The following IQCE variants were observed in gnomAD, a reference collection of about 807,000 sequenced individuals.
IQCE encodes IQ motif containing E.
Under a neutral mutation model 96.0 loss-of-function variants are expected in IQCE, and 115 were observed. The observed-to-expected ratio is 1.20, with a 90% CI of 1.03 to 1.40. The LOEUF (loss-of-function observed/expected upper bound fraction) is 1.40, where lower values mean the gene tolerates loss of function less well. IQCE is among the 40% of genes most tolerant of loss of function. IQCE has a pLI of 0.00. For missense variants in IQCE, 1,041 were observed against 909.1 expected (o/e 1.15, Z -1.87); for synonymous variants, 412 against 371.2 (o/e 1.11, Z -1.26).
Position 2,590,518 on chromosome 7 carries a change from A to T in IQCE, c.1244+412A>T, listed in dbSNP as rs557293572. 7.9e-4 allele frequency among the ~76,000 whole-genome samples: 120 copies of T among 152,302 alleles called. 1 individual carries two copies. The highest frequency in any genetic ancestry group is 1.5e-3 in the Non-Finnish European group (102 of 68,012). ...GGTGGCTCATGCCTGTAATCCCAGC[A>T]CTTTGGGAGGCCGAAGTGGGAGGAT... On this transcript the variant is annotated intron_variant, in intron 14 of 21. Coordinates refer to ENST00000402050, the MANE Select transcript of IQCE (RefSeq NM_152558.5).
intron 1 of IQCE, 49 bp downstream of exon 1, chr7:2,559,266 G>C (rs1780733156): frequency 8.6e-7 from 1 of 1,158,560 alleles, no homozygotes; most frequent in Non-Finnish European, 1.1e-6. Flanking sequence ...GCGAGGCCTC[G>C]GCTCGTCTCC....
rs543861266 is a variant in IQCE, at chr7:2,562,605, T to C, written c.36+3388T>C. Among the ~76,000 whole-genome samples the C allele has an allele frequency of 3.3e-3, 497 of 151,642 alleles. 4 individuals carry two copies. The highest frequency in any genetic ancestry group is 0.011 in the African/African-American group (475 of 41,470). On this transcript the variant is annotated intron_variant, in intron 1 of 21. Coordinates refer to ENST00000402050, the MANE Select transcript of IQCE (RefSeq NM_152558.5). The stretch of plus-strand genomic sequence containing the variant: ...GTAGTGAGGCCCCCTTTTTTTTTTT[T>C]TCCCCCTGTATTTTGGTAATTTCGT...
At chr7:2,596,778 GC>G in intron 16 of IQCE, 1 of 348,450 alleles carries the variant, frequency 2.9e-6, no homozygotes, top group Non-Finnish European at 5.8e-6. Flanking sequence ...TCTCACTTTA[GC>G]GGAACAGAGG....
chr7:2,562,687 G>A (rs8180758), intron 1 of IQCE, among the ~76,000 whole-genome samples: 9 of 150,386 alleles, frequency 6.0e-5, no homozygotes. Context: ...TCTTTTCAAA[G>A]AACCAACTTT....
chr7:2,603,989 C>CTTT (rs11427354), intron 18 of IQCE, among the ~76,000 whole-genome samples: 2 of 125,914 alleles, frequency 1.6e-5, no homozygotes, highest in Non-Finnish European at 1.7e-5. Flanking sequence ...GCTTCCCTGT[C>CTTT]TTTTTTTTTT....
At chr7:2,589,061 T>C (rs1783368306) in intron 13 of IQCE, among the ~76,000 whole-genome samples, 1 of 152,150 alleles carries the variant, frequency 6.6e-6, no homozygotes, top group South Asian at 2.1e-4. Context: ...AAATAGTTTT[T>C]TACATATTTA....
intron 2 of IQCE, among the ~76,000 whole-genome samples, chr7:2,568,649 G>A (rs1358451660): frequency 1.3e-5 from 2 of 152,224 alleles, no homozygotes; most frequent in Non-Finnish European, 2.9e-5. Context: ...GGCGGTTTGG[G>A]TGGGGGCAGA....
intron 5 of IQCE, among the ~76,000 whole-genome samples, chr7:2,572,542 G>A (rs1369732173): frequency 6.6e-6 from 1 of 152,096 alleles, no homozygotes; most frequent in East Asian, 1.9e-4. Context: ...GTGGGTGCAG[G>A]GATATCTCGC....
chr7:2,586,270 G>C lies in IQCE; in HGVS notation c.887G>C (p.Ser296Thr), dbSNP rs1181978447. Residue 296 changes from serine (S) to threonine (T), a missense_variant, in exon 12 of 22, where the codon AGC becomes ACC. By Grantham distance (58) the Ser-to-Thr change is moderately conservative (BLOSUM62 1). Transcript: ENST00000402050. ...RQKKMGSALL[S>T]LSRSVQELTE... ...AAGAAGATGGGCAGTGCCCTCCTGAGCTTGTCCCGGAGTGTCCAGGAGCTC... is the reference window on the plus strand; with the variant it reads ...AAGAAGATGGGCAGTGCCCTCCTGACCTTGTCCCGGAGTGTCCAGGAGCTC... 4 of 1,613,952 alleles carry C rather than the reference G, an allele frequency of 2.5e-6. No individual in the cohort carries two copies. Among genetic ancestry groups the C allele is most frequent in the Non-Finnish European group, 3.4e-6 (4 of 1,179,984 alleles).
chr7:2,596,938 CCAGGGCAT>C (rs1784082948), intron 16 of IQCE: 1 of 469,608 alleles, frequency 2.1e-6, no homozygotes, highest in South Asian at 1.5e-5. Context: ...GTGGATGTAC[CCAGGGCAT>C]CTTCGTCAGG....
At chr7:2,605,546 G>A (rs1284556936) in intron 19 of IQCE, among the ~76,000 whole-genome samples, 1 of 152,098 alleles carries the variant, frequency 6.6e-6, no homozygotes, top group East Asian at 1.9e-4. Context: ...GGTGAACCCG[G>A]AAGGCGGAGC....
intron 5 of IQCE, among the ~76,000 whole-genome samples, chr7:2,573,101 G>A (rs1781876335): frequency 1.3e-5 from 2 of 152,140 alleles, no homozygotes; most frequent in African/African-American, 4.8e-5. Flanking sequence ...TGTTTGTTTT[G>A]CTATTTAAAT....
chr7:2,589,972 C>T lies in IQCE; in HGVS notation c.1110C>T (p.Ala370=), dbSNP rs200293391. The part of the protein sequence containing the change: ...AAEPVRSHPP[A]CLASSSALHR... ...AGCCAGTCAGATCACACCCGCCAGCCTGCCTTGCATCCAGCTCTGCGCTGC... is the reference window on the plus strand; with the variant it reads ...AGCCAGTCAGATCACACCCGCCAGCTTGCCTTGCATCCAGCTCTGCGCTGC... Residue 370 remains alanine, a synonymous_variant, in exon 14 of 22, where the codon GCC becomes GCT. Coordinates refer to ENST00000402050, the MANE Select transcript of IQCE (RefSeq NM_152558.5). 20 of 1,613,890 alleles carry T rather than the reference C, an allele frequency of 1.2e-5. No individual in the cohort carries two copies. Among genetic ancestry groups the T allele is most frequent in the Non-Finnish European group, 1.6e-5 (19 of 1,180,036 alleles).
rs886672679 is a variant in IQCE, at chr7:2,559,394, G to A, written c.36+177G>A. 6.9e-5 allele frequency: 22 copies of A among 320,290 alleles called. 1 individual carries two copies. Among genetic ancestry groups the A allele is most frequent in the Non-Finnish European group, 1.2e-4 (21 of 180,834 alleles). The allele number at this position is 320,290 out of a possible 1,614,324, so 19.8% of individuals were successfully genotyped here. On this transcript the variant is annotated intron_variant, in intron 1 of 21. Transcript: ENST00000402050. ...CACAAGAGCGCGCTGCAGGCCCCGC[G>A]CCGCCTGCAGCCTCGCCCGCGCCCG...
chr7:2,611,121 G>GGCTGT lies in IQCE; in HGVS notation c.*963_*964insTGCTG, dbSNP rs2128476075. On this transcript the variant is annotated 3_prime_UTR_variant, in exon 22 of 22. Coordinates refer to ENST00000402050, the MANE Select transcript of IQCE (RefSeq NM_152558.5). ...ACTCCCAAGCTCCATGGCTGGGCTG[G>GGCTGT]GCTGGGCTGGGCTGGGCTGGGCCGG... The GGCTGT allele has an allele frequency of 7.0e-6, 1 of 142,178 alleles. No individual in the cohort carries two copies. The highest frequency in any genetic ancestry group is 2.5e-5 in the African/African-American group (1 of 39,386). 8.8% of individuals were successfully genotyped at this position (142,178 alleles called of 1,614,324 possible). A position where few individuals can be genotyped will look rare whatever the true frequency, so the allele number is the denominator to read the frequency against.
chr7:2,606,130 C>G, intron 20 of IQCE, 133 bp downstream of exon 20: 1 of 1,124,832 alleles, frequency 8.9e-7, no homozygotes, highest in East Asian at 3.0e-5. Context: ...AGCGGGACCT[C>G]GGTTTGGAGC....
In IQCE at chr7:2,584,100, G is replaced by A. The variant is rs149462805; in HGVS notation, c.775-136G>A. The stretch of plus-strand genomic sequence containing the variant: ...GAGCCTGCTCCTGCTTCAGCCCAAC[G>A]GAAAGATGAAGTGCGGCCACTTAGT... On this transcript the variant is annotated intron_variant, in intron 10 of 21. Transcript: ENST00000402050. 1.6e-4 allele frequency: 124 copies of A among 798,780 alleles called. No homozygotes were observed. In the African/African-American group the frequency reaches 2.0e-3, roughly 13 times the overall value. The allele number at this position is 798,780 out of a possible 1,614,324, so 49.5% of individuals were successfully genotyped here. A position where few individuals can be genotyped will look rare whatever the true frequency, so the allele number is the denominator to read the frequency against.
Position 2,572,456 on chromosome 7 carries a change from T to G in IQCE, c.394+130T>G. 3 of 1,022,956 alleles carry G rather than the reference T, an allele frequency of 2.9e-6. No homozygotes were observed. The South Asian group carries it at 5.0e-5, about 17-fold the overall frequency. 63.4% of individuals were successfully genotyped at this position (1,022,956 alleles called of 1,614,324 possible). On this transcript the variant is annotated intron_variant, in intron 5 of 21. Coordinates refer to ENST00000402050, the MANE Select transcript of IQCE (RefSeq NM_152558.5). ...GTGCATGAGCTCCGTCACTGGGAGG[T>G]TTTGGGAGGTCGTGGGAGCAGTGAC...
At chr7:2,592,113 G>T (rs1783645382) in intron 14 of IQCE, among the ~76,000 whole-genome samples, 1 of 152,158 alleles carries the variant, frequency 6.6e-6, no homozygotes. Flanking sequence ...TGTACTTTAG[G>T]GACTGAGAAA....
Sources: gnomAD v4.1 joint callset for allele counts (sites outside exome capture counted in the v4.1 genomes callset) on GRCh38, gnomAD v4.1.1 for gene constraint, MANE v1.5 for transcripts, NCBI Gene and HGNC (gene_info 2026-07-23, HGNC 2026-07-21) for gene names.